Variants in LRP1 observed in about 807,000 individuals in gnomAD.
LRP1 encodes prolow-density lipoprotein receptor-related protein 1.
A neutral mutation model predicts 541.5 loss-of-function variants in LRP1; 51 were observed. The ratio of observed to expected loss-of-function variants is 0.09; its 90% CI spans 0.08 to 0.12. The LOEUF (loss-of-function observed/expected upper bound fraction) is 0.12, where lower values mean the gene tolerates loss of function less well. Ranked by LOEUF, LRP1 falls within the 10% of genes least tolerant of loss-of-function variation. The probability of loss-of-function intolerance (pLI) is 1.00; values close to 1 mark genes in which losing one functional copy is unlikely to be tolerated. For missense variants in LRP1, 3,878 were observed against 6,376.2 expected, an observed-to-expected ratio of 0.61 and a Z score of 13.34; for synonymous variants, 2,219 against 2,470.8, an observed-to-expected ratio of 0.90 and a Z score of 3.02.
rs35308876 is a variant in LRP1, at chr12:57,186,452, C to T, written c.6841+544C>T. Among the ~76,000 whole-genome samples the T allele has an allele frequency of 6.9e-3, 1,049 of 152,310 alleles. 8 individuals carry two copies. Among genetic ancestry groups the T allele is most frequent in the African/African-American group, 0.024 (1,002 of 41,570 alleles). ...TCCTGCTACATTTTCTCTTCTTCAG[C>T]CTGGTTACCACCGGGTCCCTTGACT... On this transcript the variant is annotated intron_variant, in intron 41 of 88. Transcript: ENST00000243077.
chr12:57,185,804 G>A lies in LRP1; in HGVS notation c.6737G>A (p.Gly2246Asp). 1 of 1,614,168 alleles carries A rather than the reference G, an allele frequency of 6.2e-7. No individual in the cohort carries two copies. ...GCCCTGGCCTTTGACTACCGGGCAG[G>A]CACCTCTCCGGGCACCCCCAATCGC... ...VIALAFDYRA[G>D]TSPGTPNRIF... Residue 2246 changes from glycine (G) to aspartate (D), a missense_variant, in exon 41 of 89, where the codon GGC (glycine) becomes GAC (aspartate). Gly to Asp is a moderately conservative substitution (Grantham distance 94). This residue lies in a region of LRP1 where 1,100 missense variants were observed against 1,827.4 expected (regional missense o/e 0.60). Transcript: ENST00000243077. The surrounding 1 kb of genome is among the most constrained non-coding windows in gnomAD (Gnocchi z 4.9).
rs765897002 is a variant in LRP1 at position 57,183,546 on chromosome 12, C to T, written c.5794+36C>T. ...TGGTGGCAGAGGGAGTTGGGCGTGG[C>T]GTAGGAGCTTTAGGGGTGGTGTGGT... is the stretch of plus-strand genomic sequence containing the variant. On this transcript the variant is annotated intron_variant, in intron 35 of 88. Coordinates refer to ENST00000243077, the MANE Select transcript of LRP1 (RefSeq NM_002332.3). The surrounding 1 kb of genome is among the most constrained non-coding windows in gnomAD (Gnocchi z 6.1). 33 of 1,599,362 alleles carry T rather than the reference C, an allele frequency of 2.1e-5. No individual in the cohort carries two copies. The highest frequency in any genetic ancestry group is 3.4e-5 in the Admixed American group (2 of 58,444).
In LRP1 at chr12:57,200,957, C is replaced by T. The variant is rs1176267534; in HGVS notation, c.10226-77C>T. On this transcript the variant is annotated intron_variant, in intron 64 of 88. Coordinates refer to ENST00000243077, the MANE Select transcript of LRP1 (RefSeq NM_002332.3). ...TCCTATGGCTCAAGCCTGTGTCCTC[C>T]CTGCTGAGGGATGGGCACCCTCTCC... The T allele has an allele frequency of 1.9e-6, 3 of 1,605,256 alleles. No individual in the cohort carries two copies. In the East Asian group the frequency reaches 6.7e-5, roughly 36 times the overall value.
rs2136741940 is a variant in LRP1, at chr12:57,201,703, G to A, written c.10469-77G>A. The A allele has an allele frequency of 6.3e-7, 1 of 1,595,154 alleles. No individual in the cohort carries two copies. Among genetic ancestry groups the A allele is most frequent in the South Asian group, 1.1e-5 (1 of 89,368 alleles). The stretch of plus-strand genomic sequence containing the variant: ...CCGACGTGTGACCCCCTCAGTGGCT[G>A]CTCCCTCACTCTCCCCACCCTCCCG... On this transcript the variant is annotated intron_variant, in intron 66 of 88. Transcript: ENST00000243077. The surrounding 1 kb of genome is among the most constrained non-coding windows in gnomAD (Gnocchi z 6.4).
In LRP1 at chr12:57,166,081, C is replaced by T; in HGVS notation, c.2672-3C>T. ...GCTGACCCCTGACTCATTCCCTCCC[C>T]AGATCAGCACACCTGCCCCTCGGAC... On this transcript the variant is annotated splice_polypyrimidine_tract_variant and splice_region_variant and intron_variant, in intron 16 of 88. Coordinates refer to ENST00000243077, the MANE Select transcript of LRP1 (RefSeq NM_002332.3). The T allele has an allele frequency of 6.2e-7, 1 of 1,614,216 alleles. No individual in the cohort carries two copies. The highest frequency in any genetic ancestry group is 8.5e-7 in the Non-Finnish European group (1 of 1,180,026).
Position 57,212,563 on chromosome 12 carries a change from C to G in LRP1, c.*8C>G. On this transcript the variant is annotated 3_prime_UTR_variant, in exon 89 of 89. Transcript: ENST00000243077. This position sits in a 1 kb window ranked among gnomAD's most constrained non-coding sequence, Gnocchi z 5.0. ...GGGGACCCCTTGGCATAGGGCCCTG[C>G]CCCGTCGGACTGCCCCCAGAAAGCC... 2 of 1,572,916 alleles carry G rather than the reference C, an allele frequency of 1.3e-6. No homozygotes were observed. Among genetic ancestry groups the G allele is most frequent in the Non-Finnish European group, 1.7e-6 (2 of 1,158,568 alleles).
At position 57,195,437 on chromosome 12, in the gene LRP1, A is replaced by G. The variant is rs747826878; in HGVS notation, c.8437+38A>G. On this transcript the variant is annotated intron_variant, in intron 52 of 88. Coordinates refer to ENST00000243077, the MANE Select transcript of LRP1 (RefSeq NM_002332.3). ...GCCACGTGGAGCGGGTGGACAGCAA[A>G]TGGCCACAGTCTCACTTTGCAGATG... 3 of 1,596,356 alleles carry G rather than the reference A, an allele frequency of 1.9e-6. No homozygotes were observed. The South Asian group carries it at 3.3e-5, about 18-fold the overall frequency.
At chr12:57,175,039 G>A (rs1565733399) in intron 22 of LRP1, among the ~76,000 whole-genome samples, 1 of 152,106 alleles carries the variant, frequency 6.6e-6, no homozygotes, top group Non-Finnish European at 1.5e-5. Context: ...GGTGGTATAG[G>A]CCCTGCTGCA....
In LRP1 at chr12:57,158,704, C is replaced by A; in HGVS notation, c.1798+66C>A. On this transcript the variant is annotated intron_variant, in intron 11 of 88. Transcript: ENST00000243077. This position sits in a 1 kb window ranked among gnomAD's most constrained non-coding sequence, Gnocchi z 5.3. ...GGCTGGGGCCCAGGCATCTGTTTCT[C>A]GGTGCCCTCTCAGCAGGATGGTCCC... 1 of 1,441,380 alleles carries A rather than the reference C, an allele frequency of 6.9e-7. No individual in the cohort carries two copies. Among genetic ancestry groups the A allele is most frequent in the South Asian group, 1.2e-5 (1 of 85,856 alleles). 89.3% of individuals were successfully genotyped at this position (1,441,380 alleles called of 1,614,324 possible). A position where few individuals can be genotyped will look rare whatever the true frequency, so the allele number is the denominator to read the frequency against.
intron 10 of LRP1, among the ~76,000 whole-genome samples, chr12:57,157,208 T>C (rs1565723634): frequency 6.6e-6 from 1 of 152,242 alleles, no homozygotes; most frequent in African/African-American, 2.4e-5. Context: ...TCATCAGGAT[T>C]AAGCAGCGAA....
Position 57,205,046 on chromosome 12 carries a change from G to A in LRP1, c.11195-63G>A. On this transcript the variant is annotated intron_variant, in intron 72 of 88. Transcript: ENST00000243077. This position sits in a 1 kb window ranked among gnomAD's most constrained non-coding sequence, Gnocchi z 4.6. Reference sequence around the variant, plus strand: ...AATTGGGAGCCACTGTTATCTATGGGGTTGCCGTGGGAGGAGGAGGCAGGG... The same window carrying A: ...AATTGGGAGCCACTGTTATCTATGGAGTTGCCGTGGGAGGAGGAGGCAGGG... The A allele has an allele frequency of 6.4e-7, 1 of 1,550,926 alleles. No homozygotes were observed. Among genetic ancestry groups the A allele is most frequent in the South Asian group, 1.2e-5 (1 of 82,556 alleles).
Position 57,169,153 on chromosome 12 carries a change from G to A in LRP1, c.3009G>A (p.Gly1003=). ...CCCCACCGCCAGACAATGACTGTGG[G>A]GACAACAGTGACGAAGCCGGCTGCA... is the stretch of plus-strand genomic sequence containing the variant. ...NWRCDNDNDC[G]DNSDEAGCSH... The change falls in exon 20 of 89, where the codon GGG becomes GGA. Residue 1003 remains glycine, a synonymous_variant. Coordinates refer to ENST00000243077, the MANE Select transcript of LRP1 (RefSeq NM_002332.3). 1 of 1,610,350 alleles carries A rather than the reference G, an allele frequency of 6.2e-7. No individual in the cohort carries two copies. Among genetic ancestry groups the A allele is most frequent in the Non-Finnish European group, 8.5e-7 (1 of 1,176,996 alleles).
intron 41 of LRP1, among the ~76,000 whole-genome samples, chr12:57,186,312 T>C (rs2036270001): frequency 6.6e-6 from 1 of 152,228 alleles, no homozygotes; most frequent in South Asian, 2.1e-4. Context: ...CTCGAGCTGC[T>C]GCGCAGGAAG....
Position 57,197,107 on chromosome 12 carries a change from G to A in LRP1, c.9018G>A (p.Leu3006=), listed in dbSNP as rs1040675761. Reference sequence around the variant, plus strand: ...ACACTCATGGCAGCTATAAGTGTCTGTGTGTGGAGGGCTATGCACCCCGCG... The same window carrying A: ...ACACTCATGGCAGCTATAAGTGTCTATGTGTGGAGGGCTATGCACCCCGCG... ...CINTHGSYKC[L]CVEGYAPRGG... Residue 3006 remains leucine, a synonymous_variant, in exon 56 of 89, where the codon CTG becomes CTA. Coordinates refer to ENST00000243077, the MANE Select transcript of LRP1 (RefSeq NM_002332.3). This position sits in a 1 kb window ranked among gnomAD's most constrained non-coding sequence, Gnocchi z 4.5. 24 of 1,613,962 alleles carry A rather than the reference G, an allele frequency of 1.5e-5. No homozygotes were observed. The highest frequency in any genetic ancestry group is 1.9e-5 in the Non-Finnish European group (23 of 1,179,984).
intron 1 of LRP1, among the ~76,000 whole-genome samples, chr12:57,131,226 C>CCACCTCTTCTGCTTTCT: frequency 6.6e-6 from 1 of 152,262 alleles, no homozygotes; most frequent in East Asian, 1.9e-4. Flanking sequence ...AGGGGCTTTC[C>CCACCTCTTCTGCTTTCT]CACCTCTTCT....
chr12:57,157,135 T>C (rs1314735237), intron 10 of LRP1, among the ~76,000 whole-genome samples: 3 of 152,240 alleles, frequency 2.0e-5, no homozygotes, highest in Non-Finnish European at 4.4e-5. Flanking sequence ...AAAACTAAAC[T>C]GATTCATTCA....
chr12:57,164,406 T>C lies in LRP1; in HGVS notation c.2531-1399T>C, dbSNP rs956942059. ...GTAACGAGTACATAAGCAGCATTTT[T>C]AATGGCTAAAATATATTTCATTTGA... On this transcript the variant is annotated intron_variant, in intron 15 of 88. Transcript: ENST00000243077. The C allele has an allele frequency of 2.0e-5, 3 of 152,248 alleles. No individual in the cohort carries two copies. The East Asian group carries it at 5.8e-4, about 29-fold the overall frequency. 9.4% of individuals were successfully genotyped at this position (152,248 alleles called of 1,614,324 possible). A position where few individuals can be genotyped will look rare whatever the true frequency, so the allele number is the denominator to read the frequency against.
intron 12 of LRP1, 25 bp from the exon 13 acceptor site, chr12:57,160,868 G>A (rs373688108): frequency 4.6e-5 from 74 of 1,595,150 alleles, no homozygotes; most frequent in Non-Finnish European, 6.1e-5. Context: ...GTGCCCAGGT[G>A]ATGCTGACCA....
intron 42 of LRP1, among the ~76,000 whole-genome samples, chr12:57,188,699 G>A (rs920371117): frequency 3.3e-5 from 5 of 152,238 alleles, no homozygotes; most frequent in African/African-American, 7.2e-5. Flanking sequence ...ATTCCATCAC[G>A]CATTCAGCGA....
Sources: allele counts gnomAD v4.1 joint callset (sites outside exome capture counted in the v4.1 genomes callset), GRCh38; gene constraint gnomAD v4.1.1; regional missense constraint gnomAD v4.1.1; non-coding constraint Gnocchi (gnomAD v3.1); transcripts MANE v1.5; gene names NCBI Gene and HGNC (gene_info 2026-07-23, HGNC 2026-07-21).